The following CTSH variants were observed in gnomAD, a reference collection of about 807,000 sequenced individuals.
CTSH encodes the protein pro-cathepsin H.
A neutral mutation model predicts 56.3 loss-of-function variants in CTSH; 52 were observed. That is an observed-to-expected ratio of 0.92 (90% confidence interval 0.74 to 1.16). The LOEUF (loss-of-function observed/expected upper bound fraction) is 1.16, where lower values mean the gene tolerates loss of function less well. CTSH is among the 50% of genes most tolerant of loss of function. The probability of loss-of-function intolerance (pLI) is 0.00; values close to 1 mark genes in which losing one functional copy is unlikely to be tolerated. For synonymous variants in CTSH, 174 were observed against 155.7 expected, an observed-to-expected ratio of 1.12 and a Z score of -0.88; for missense variants, 406 against 424.5, an observed-to-expected ratio of 0.96 and a Z score of 0.38.
rs1349286339 is a variant in CTSH, at chr15:78,922,212, A to C, written c.933-7T>G. 1 of 1,569,130 alleles carries C rather than the reference A, an allele frequency of 6.4e-7. No individual in the cohort carries two copies. The highest frequency in any genetic ancestry group is 1.9e-5 in the Admixed American group (1 of 53,206). ...GCGCTCGATGAGGAAGTACCTGGGC[A>C]GAAAGAGGAGCTGAGGCCCGGCCGG... is the stretch of plus-strand genomic sequence containing the variant. On this transcript the variant is annotated splice_region_variant and splice_polypyrimidine_tract_variant and intron_variant, in intron 11 of 11. Coordinates refer to ENST00000220166, the MANE Select transcript of CTSH (RefSeq NM_004390.5).
chr15:78,928,306 G>A (rs901619044), intron 8 of CTSH, among the ~76,000 whole-genome samples: 6 of 151,830 alleles, frequency 4.0e-5, no homozygotes, highest in African/African-American at 2.4e-5. Context: ...GGTGGCTCAC[G>A]CCTGTAATCA....
intron 10 of CTSH, among the ~76,000 whole-genome samples, chr15:78,924,703 T>TTTC (rs1250530758): frequency 3.3e-5 from 5 of 151,610 alleles, no homozygotes; most frequent in African/African-American, 9.7e-5. Flanking sequence ...TTTTTTTTTT[T>TTTC]TTCTGAGACA....
Position 78,922,210 on chromosome 15 carries a change from G to A in CTSH, c.933-5C>T. 6.4e-7 allele frequency: 1 copy of A among 1,570,268 alleles called. No individual in the cohort carries two copies. The highest frequency in any genetic ancestry group is 8.6e-7 in the Non-Finnish European group (1 of 1,158,014). On this transcript the variant is annotated splice_region_variant and splice_polypyrimidine_tract_variant and intron_variant, in intron 11 of 11. Transcript: ENST00000220166. ...CCGCGCTCGATGAGGAAGTACCTGG[G>A]CAGAAAGAGGAGCTGAGGCCCGGCC... is the stretch of plus-strand genomic sequence containing the variant.
chr15:78,923,353 A>G (rs2054820247), intron 10 of CTSH, among the ~76,000 whole-genome samples: 2 of 152,146 alleles, frequency 1.3e-5, no homozygotes, highest in African/African-American at 2.4e-5. Flanking sequence ...GCAATGGTGC[A>G]ATCTCTGCTC....
chr15:78,927,581 G>T (rs2054938863), intron 9 of CTSH, 132 bp downstream of exon 9: 4 of 765,278 alleles, frequency 5.2e-6, no homozygotes, highest in Non-Finnish European at 6.6e-6. Flanking sequence ...GAGACCCAGG[G>T]ATAATATGAA....
chr15:78,943,520 G>A (rs945413988), intron 1 of CTSH, among the ~76,000 whole-genome samples: 3 of 152,138 alleles, frequency 2.0e-5, no homozygotes, highest in South Asian at 4.1e-4. Context: ...GTGAGCCACC[G>A]CAGCCGGTCC....
chr15:78,931,989 A>G, intron 6 of CTSH: 1 of 1,152,110 alleles, frequency 8.7e-7, no homozygotes, highest in Non-Finnish European at 1.1e-6. Context: ...CTTGTGGGCG[A>G]GGGGATGGAT....
chr15:78,935,778 C>T, intron 3 of CTSH, 28 bp from the exon 4 acceptor site: 1 of 1,546,958 alleles, frequency 6.5e-7, no homozygotes, highest in Middle Eastern at 1.7e-4. Context: ...AAAACCAAAA[C>T]AGAAATGGTT....
intron 1 of CTSH, 52 bp downstream of exon 1, chr15:78,944,839 G>T: frequency 6.6e-7 from 1 of 1,512,564 alleles, no homozygotes. Flanking sequence ...TTCTCCCAGC[G>T]TCCACTCTAG....
chr15:78,944,525 C>A (rs561202242), intron 1 of CTSH: 3 of 185,380 alleles, frequency 1.6e-5, no homozygotes, highest in East Asian at 2.5e-4. Context: ...AAGGCTGGGA[C>A]GTCCTTGCTC....
At chr15:78,941,664 C>A (rs540529931) in intron 1 of CTSH, among the ~76,000 whole-genome samples, 1 of 151,690 alleles carries the variant, frequency 6.6e-6, no homozygotes, top group African/African-American at 2.4e-5. Context: ...GGCGTGGTGG[C>A]GGGCGCCTGC....
chr15:78,934,786 C>A (rs1186311127), intron 5 of CTSH, 192 bp downstream of exon 5: 57 of 672,860 alleles, frequency 8.5e-5, no homozygotes, highest in Non-Finnish European at 1.4e-4. Flanking sequence ...ACTTTTGCAT[C>A]CTCCAGAGCA....
intron 9 of CTSH, 49 bp downstream of exon 9, chr15:78,927,664 C>A: frequency 6.5e-7 from 1 of 1,545,532 alleles, no homozygotes; most frequent in South Asian, 1.1e-5. Flanking sequence ...ATGAGAGAGG[C>A]CTCCTCATCA....
At chr15:78,927,496 G>A in intron 9 of CTSH, 1 of 568,060 alleles carries the variant, frequency 1.8e-6, no homozygotes. Context: ...TGGATCTGGA[G>A]TTCAGAACCA....
intron 5 of CTSH, among the ~76,000 whole-genome samples, chr15:78,934,205 C>T (rs923046127): frequency 2.6e-5 from 4 of 152,164 alleles, no homozygotes; most frequent in Non-Finnish European, 2.9e-5. Context: ...TAAAGCTGTG[C>T]TGCATGGATG....
At chr15:78,943,444 G>T (rs997857319) in intron 1 of CTSH, among the ~76,000 whole-genome samples, 10 of 152,156 alleles carry the variant, frequency 6.6e-5, no homozygotes, top group African/African-American at 2.2e-4. Context: ...TGGCCAGGCT[G>T]CTCTCGAACT....
At position 78,925,374 on chromosome 15, in the gene CTSH, T is replaced by C. The variant is rs1205641344; in HGVS notation, c.766A>G (p.Thr256Ala). ...GTTCTATACATCATGAAGTCCTGAG[T>C]CACCTCAAAGGCAAAGCTCACAGGG... ...YNPVSFAFEV[T>A]QDFMMYRTGI... The change falls in exon 10 of 12, where the codon ACT (threonine) becomes GCT (alanine). Residue 256 changes from threonine (T) to alanine (A), a missense_variant. Physicochemically the swap from Thr to Ala is moderately conservative, Grantham distance 58. Transcript: ENST00000220166. 6.2e-7 allele frequency: 1 copy of C among 1,613,704 alleles called. No homozygotes were observed. The highest frequency in any genetic ancestry group is 1.1e-5 in the South Asian group (1 of 91,066).
chr15:78,944,002 T>A (rs1481918535), intron 1 of CTSH, among the ~76,000 whole-genome samples: 3 of 152,096 alleles, frequency 2.0e-5, no homozygotes, highest in Non-Finnish European at 4.4e-5. Flanking sequence ...GCCTCAGTGA[T>A]CTCTGTCCCA....
At chr15:78,932,818 C>G (rs1056128232) in intron 5 of CTSH, among the ~76,000 whole-genome samples, 3 of 152,196 alleles carry the variant, frequency 2.0e-5, no homozygotes, top group Non-Finnish European at 4.4e-5. Flanking sequence ...GTCCCCCACC[C>G]CATTCTGCAG....
Sources: allele counts gnomAD v4.1 joint callset (sites outside exome capture counted in the v4.1 genomes callset), GRCh38; gene constraint gnomAD v4.1.1; transcripts MANE v1.5; gene names NCBI Gene and HGNC (gene_info 2026-07-23, HGNC 2026-07-21).